The following CD6 variants were observed in gnomAD, a reference collection of about 807,000 sequenced individuals.
The protein encoded by CD6 is CD6 molecule.
CD6 carries 53 observed loss-of-function variants against 75.3 expected under a neutral mutation model. That is an observed-to-expected ratio of 0.70 (90% confidence interval 0.56 to 0.88). CD6 has a LOEUF of 0.88. Ranked by LOEUF, CD6 falls within the 40% of genes least tolerant of loss-of-function variation. The pLI is 0.00. For missense variants in CD6, 770 were observed against 897.1 expected, an observed-to-expected ratio of 0.86 and a Z score of 1.81; for synonymous variants, 359 against 381.5, an observed-to-expected ratio of 0.94 and a Z score of 0.69.
Position 60,971,689 on chromosome 11 carries a change from T to G in CD6, c.-177T>G. 4.9e-6 allele frequency: 3 copies of G among 615,566 alleles called. No homozygotes were observed. Among genetic ancestry groups the G allele is most frequent in the Non-Finnish European group, 2.9e-6 (1 of 345,312 alleles). The allele number at this position is 615,566 out of a possible 1,614,324, so 38.1% of individuals were successfully genotyped here. A position where few individuals can be genotyped will look rare whatever the true frequency, so the allele number is the denominator to read the frequency against. On this transcript the variant is annotated 5_prime_UTR_variant, in exon 1 of 13. Coordinates refer to ENST00000313421, the MANE Select transcript of CD6 (RefSeq NM_006725.5). The stretch of plus-strand genomic sequence containing the variant: ...CAAGCAGGCGTGAGACACTCACAGG[T>G]TGGGTTTGATCGCATGCGTGTCGGA...
intron 1 of CD6, among the ~76,000 whole-genome samples, chr11:60,996,448 C>T (rs1334536684): frequency 1.3e-5 from 2 of 152,246 alleles, no homozygotes; most frequent in Non-Finnish European, 1.5e-5. Flanking sequence ...AGTCCAGCTT[C>T]CCGGCCACTG....
chr11:60,982,879 C>T (rs569374241), intron 1 of CD6: 3 of 388,380 alleles, frequency 7.7e-6, no homozygotes, highest in East Asian at 7.2e-5. Context: ...CAGGGCATGG[C>T]GGGGCCTGTG....
chr11:61,015,682 T>C, intron 8 of CD6, 31 bp from the exon 9 acceptor site: 2 of 1,613,026 alleles, frequency 1.2e-6, no homozygotes, highest in African/African-American at 1.3e-5. Context: ...CCCACCACTT[T>C]GCCATGCCCT....
Position 61,019,463 on chromosome 11 carries a change from C to G in CD6, c.*145C>G. ...TGGAGAGATGGAAGGAAACGTTATA[C>G]CTTGTACCCCTCGGTCTCCATCCAT... On this transcript the variant is annotated 3_prime_UTR_variant, in exon 13 of 13. Transcript: ENST00000313421. 1 of 566,858 alleles carries G rather than the reference C, an allele frequency of 1.8e-6. No individual in the cohort carries two copies. 35.1% of individuals were successfully genotyped at this position (566,858 alleles called of 1,614,324 possible).
Position 60,992,554 on chromosome 11 carries a change from G to A in CD6, c.50-14020G>A, listed in dbSNP as rs530571953. ...TAAAAGAGGGACCTGAGGGCCGGGC[G>A]CTGTGGCTCACACCTGTAATCCCAG... On this transcript the variant is annotated intron_variant, in intron 1 of 12. Transcript: ENST00000313421. Among the ~76,000 whole-genome samples, 138 of 152,198 alleles carry A rather than the reference G, an allele frequency of 9.1e-4. 1 individual carries two copies. In the Middle Eastern group the frequency reaches 0.017, roughly 19 times the overall value.
chr11:60,999,539 A>T (rs539485476), intron 1 of CD6, among the ~76,000 whole-genome samples: 2 of 151,932 alleles, frequency 1.3e-5, no homozygotes, highest in Admixed American at 1.3e-4. Context: ...CATACTTATA[A>T]CATAACCCTG....
At chr11:61,013,668 C>A in intron 7 of CD6, 105 bp downstream of exon 7, 1 of 1,273,182 alleles carries the variant, frequency 7.9e-7, no homozygotes, top group Non-Finnish European at 1.1e-6. Context: ...CGGCCCTGGC[C>A]CTGGGGAGAT....
In CD6 at chr11:61,007,558, A is replaced by AG; in HGVS notation, c.121dup. The AG allele has an allele frequency of 6.7e-7, 1 of 1,491,416 alleles. No homozygotes were observed. Among genetic ancestry groups the AG allele is most frequent in the Admixed American group, 2.3e-5 (1 of 44,030 alleles). 92.4% of individuals were successfully genotyped at this position (1,491,416 alleles called of 1,614,324 possible). The stretch of plus-strand genomic sequence containing the variant: ...CTCAGCTCTCTGGTCTGACACTTCC[A>AG]GGGGAGCGGCTTCCGGTCCGTCTGA... On this transcript the variant is annotated splice_acceptor_variant, in intron 2 of 12. Transcript: ENST00000313421. LOFTEE classifies it high-confidence loss of function. The surrounding 1 kb of genome is among the most constrained non-coding windows in gnomAD (Gnocchi z 4.2).
chr11:61,009,896 C>T lies in CD6; in HGVS notation c.1084+22C>T, dbSNP rs367691772. 5 of 1,521,194 alleles carry T rather than the reference C, an allele frequency of 3.3e-6. No homozygotes were observed. The African/African-American group carries it at 4.2e-5, about 13-fold the overall frequency. 94.2% of individuals were successfully genotyped at this position (1,521,194 alleles called of 1,614,324 possible). ...TCAGGTACCCCATCCTACTCCACCC[C>T]CCCAGATTTGAGCCAGAATTCTACC... On this transcript the variant is annotated intron_variant, in intron 5 of 12. Coordinates refer to ENST00000313421, the MANE Select transcript of CD6 (RefSeq NM_006725.5).
intron 1 of CD6, among the ~76,000 whole-genome samples, chr11:60,986,232 C>G (rs968771453): frequency 6.6e-6 from 1 of 152,202 alleles, no homozygotes; most frequent in Non-Finnish European, 1.5e-5. Flanking sequence ...GAAGTCTCAG[C>G]CAGCACCTTC....
At chr11:61,012,828 G>A (rs1310666782) in intron 6 of CD6, among the ~76,000 whole-genome samples, 1 of 152,198 alleles carries the variant, frequency 6.6e-6, no homozygotes, top group African/African-American at 2.4e-5. Flanking sequence ...GGGAAGGAGG[G>A]GGGACTCAGG....
chr11:61,007,684 C>G lies in CD6; in HGVS notation c.243C>G (p.Ala81=). ...TCTGGGACAGCCGCGCCGCCGAGGC[C>G]GTGTGCCGAGCACTGGGCTGCGGCG... ...GALWDSRAAE[A]VCRALGCGGA... Residue 81 remains alanine (A), a synonymous_variant, in exon 3 of 13, where the codon GCC becomes GCG. Coordinates refer to ENST00000313421, the MANE Select transcript of CD6 (RefSeq NM_006725.5). This position sits in a 1 kb window ranked among gnomAD's most constrained non-coding sequence, Gnocchi z 4.2. 7.0e-7 allele frequency: 1 copy of G among 1,418,482 alleles called. No individual in the cohort carries two copies. Among genetic ancestry groups the G allele is most frequent in the Admixed American group, 3.2e-5 (1 of 31,434 alleles). 87.9% of individuals were successfully genotyped at this position (1,418,482 alleles called of 1,614,324 possible). A position where few individuals can be genotyped will look rare whatever the true frequency, so the allele number is the denominator to read the frequency against.
intron 1 of CD6, among the ~76,000 whole-genome samples, chr11:61,001,569 T>C (rs1017139101): frequency 2.6e-5 from 4 of 151,982 alleles, no homozygotes; most frequent in African/African-American, 7.2e-5. Flanking sequence ...AATTACCTTC[T>C]ATTTTAAGCA....
intron 1 of CD6, among the ~76,000 whole-genome samples, chr11:61,003,978 G>GCTCA (rs34694765): frequency 0.99 from 150,933 of 152,232 alleles, 74,832 homozygotes; most frequent in East Asian, 1. Context: ...GGCAGCTGCT[G>GCTCA]CTCATTCATT....
At chr11:61,011,832 G>A (rs1418722579) in intron 6 of CD6, among the ~76,000 whole-genome samples, 3 of 152,168 alleles carry the variant, frequency 2.0e-5, no homozygotes, top group African/African-American at 2.4e-5. Context: ...TGGGCAACTC[G>A]GAACCTCTCT....
intron 1 of CD6, among the ~76,000 whole-genome samples, chr11:61,000,702 C>T (rs548955142): frequency 6.6e-6 from 1 of 152,318 alleles, no homozygotes; most frequent in Admixed American, 6.5e-5. Flanking sequence ...CTCAGATGCC[C>T]ATGGGACATC....
At chr11:60,997,691 T>C (rs1006631503) in intron 1 of CD6, among the ~76,000 whole-genome samples, 21 of 152,178 alleles carry the variant, frequency 1.4e-4, no homozygotes, top group African/African-American at 3.9e-4. Context: ...CTAGTTACAA[T>C]TGAAAAAGGA....
Position 61,007,594 on chromosome 11 carries a change from C to A in CD6, c.153C>A (p.Ser51Arg). The A allele has an allele frequency of 6.7e-7, 1 of 1,503,492 alleles. No homozygotes were observed. Among genetic ancestry groups the A allele is most frequent in the Non-Finnish European group, 8.9e-7 (1 of 1,126,104 alleles). 93.1% of individuals were successfully genotyped at this position (1,503,492 alleles called of 1,614,324 possible). The stretch of plus-strand genomic sequence containing the variant: ...TTCCGGTCCGTCTGACAAACGGGAG[C>A]AGCAGCTGCAGCGGGACGGTGGAGG... ...ERLPVRLTNG[S>R]SSCSGTVEVR... The change falls in exon 3 of 13, where the codon AGC becomes AGA. Residue 51 changes from serine (S) to arginine (R), a missense_variant. Physicochemically the swap from Ser to Arg is moderately radical, Grantham distance 110. Transcript: ENST00000313421. The surrounding 1 kb of genome is among the most constrained non-coding windows in gnomAD (Gnocchi z 4.2).
intron 1 of CD6, among the ~76,000 whole-genome samples, chr11:60,996,717 C>A (rs1011101906): frequency 6.6e-6 from 1 of 152,212 alleles, no homozygotes; most frequent in Non-Finnish European, 1.5e-5. Flanking sequence ...AGAGGCACAC[C>A]CTGCCCTGTC....
Sources: gnomAD v4.1 joint callset for allele counts (sites outside exome capture counted in the v4.1 genomes callset) on GRCh38, gnomAD v4.1.1 for gene constraint, Gnocchi (gnomAD v3.1) non-coding constraint, MANE v1.5 for transcripts, NCBI Gene and HGNC (gene_info 2026-07-23, HGNC 2026-07-21) for gene names.